PRKG1: variants seen among roughly 807,000 people sequenced by gnomAD.
PRKG1 encodes protein kinase cGMP-dependent 1.
In PRKG1, 35 loss-of-function variants were observed where a neutral mutation model predicts 88.1. The observed-to-expected ratio is 0.40, with a 90% confidence interval of 0.30 to 0.53. The LOEUF is 0.53. Ranked by LOEUF, PRKG1 falls within the 20% of genes least tolerant of loss-of-function variation. The pLI, the probability that PRKG1 is intolerant of heterozygous loss-of-function variation, is 0.59. For synonymous variants in PRKG1, 303 were observed against 292.5 expected, an observed-to-expected ratio of 1.04 and a Z score of -0.37; for missense variants, 540 against 839.8, an observed-to-expected ratio of 0.64 and a Z score of 4.41.
chr10:51,297,495 G>A (rs1840750896), intron 2 of PRKG1, among the ~76,000 whole-genome samples: 1 of 151,940 alleles, frequency 6.6e-6, no homozygotes, highest in South Asian at 2.1e-4. Context: ...CCTTAAATTA[G>A]GATTGAGAGG....
intron 5 of PRKG1, among the ~76,000 whole-genome samples, chr10:51,972,659 T>C (rs1187961259): frequency 6.6e-6 from 1 of 152,196 alleles, no homozygotes; most frequent in Admixed American, 6.5e-5. Context: ...ATTTTTTTCC[T>C]GTGTGAAGAA....
At chr10:52,146,446 GATAA>G (rs1309626815) in intron 8 of PRKG1, among the ~76,000 whole-genome samples, 1 of 152,064 alleles carries the variant, frequency 6.6e-6, no homozygotes, top group Non-Finnish European at 1.5e-5. Flanking sequence ...ATGTACTATA[GATAA>G]ATAGTCATTA....
chr10:51,257,118 T>TA (rs1839582369), intron 2 of PRKG1, among the ~76,000 whole-genome samples: 3 of 150,244 alleles, frequency 2.0e-5, no homozygotes, highest in African/African-American at 7.3e-5. Flanking sequence ...TGTCGAGCTT[T>TA]AAAAAAATGA....
intron 2 of PRKG1, among the ~76,000 whole-genome samples, chr10:51,177,699 T>C (rs1450367494): frequency 1.3e-5 from 2 of 152,240 alleles, no homozygotes; most frequent in East Asian, 3.9e-4. Context: ...ATTTTTATTA[T>C]AGAAATCCTA....
intron 3 of PRKG1, among the ~76,000 whole-genome samples, chr10:51,647,905 T>C (rs1294317345): frequency 6.6e-6 from 1 of 152,182 alleles, no homozygotes; most frequent in Non-Finnish European, 1.5e-5. Context: ...ATCTGATGTC[T>C]GCATTCCAGA....
intron 4 of PRKG1, among the ~76,000 whole-genome samples, chr10:51,879,926 T>C (rs1218143943): frequency 2.0e-5 from 3 of 152,222 alleles, no homozygotes; most frequent in African/African-American, 7.2e-5. Context: ...GTAGCCACTA[T>C]GTAAAGAACC....
intron 3 of PRKG1, among the ~76,000 whole-genome samples, chr10:51,727,433 G>T (rs539175103): frequency 1.3e-5 from 2 of 152,188 alleles, no homozygotes; most frequent in Admixed American, 6.5e-5. Context: ...GTAGAAAGGG[G>T]TCAATGTGTC....
chr10:51,136,817 A>G (rs1444525422), intron 1 of PRKG1, among the ~76,000 whole-genome samples: 1 of 152,024 alleles, frequency 6.6e-6, no homozygotes, highest in Non-Finnish European at 1.5e-5. Flanking sequence ...ATAAAGTGTG[A>G]TGTCTTCTGC....
At chr10:51,945,708 C>T (rs561696155) in intron 5 of PRKG1, among the ~76,000 whole-genome samples, 12,101 of 148,678 alleles carry the variant, frequency 0.081, 1,265 homozygotes, top group African/African-American at 0.26. Flanking sequence ...TTCTCCTTCA[C>T]TTATGAAGCT....
At chr10:51,803,151 T>C (rs1839218898) in intron 3 of PRKG1, among the ~76,000 whole-genome samples, 1 of 152,020 alleles carries the variant, frequency 6.6e-6, no homozygotes, top group African/African-American at 2.4e-5. Flanking sequence ...AGTAAAAGGG[T>C]ATTGTAGAAA....
At chr10:51,416,991 T>C (rs999013901) in intron 2 of PRKG1, among the ~76,000 whole-genome samples, 1 of 152,232 alleles carries the variant, frequency 6.6e-6, no homozygotes, top group African/African-American at 2.4e-5. Context: ...TCCAGTTTTC[T>C]CATTGAGAAT....
At chr10:51,390,870 T>C (rs1837377449) in intron 2 of PRKG1, among the ~76,000 whole-genome samples, 1 of 124,708 alleles carries the variant, frequency 8.0e-6, no homozygotes, top group African/African-American at 2.5e-5. Flanking sequence ...TGGATGGTGC[T>C]AAACATCCAA....
chr10:51,683,909 CT>C (rs934195746), intron 3 of PRKG1, among the ~76,000 whole-genome samples: 1 of 152,184 alleles, frequency 6.6e-6, no homozygotes, highest in African/African-American at 2.4e-5. Context: ...TGTAGAGAAA[CT>C]GGAACCCTCA....
chr10:51,492,233 A>G (rs374637470), intron 3 of PRKG1, among the ~76,000 whole-genome samples: 32 of 152,330 alleles, frequency 2.1e-4, no homozygotes, highest in African/African-American at 7.0e-4. Flanking sequence ...TTGTGCTTCT[A>G]GATGTCTCTT....
chr10:52,017,128 A>C, intron 5 of PRKG1, among the ~76,000 whole-genome samples: 1 of 152,230 alleles, frequency 6.6e-6, no homozygotes, highest in East Asian at 1.9e-4. Flanking sequence ...ATTTTAAGAA[A>C]AAGAAAAACA....
At chr10:51,756,483 T>TAAAAAA (rs1837864658) in intron 3 of PRKG1, among the ~76,000 whole-genome samples, 1 of 64,586 alleles carries the variant, frequency 1.5e-5, no homozygotes, top group African/African-American at 5.6e-5. Flanking sequence ...TGAGACTGTC[T>TAAAAAA]CAAAAAAAAA....
chr10:51,518,593 G>C (rs931352592), intron 3 of PRKG1, among the ~76,000 whole-genome samples: 2 of 152,102 alleles, frequency 1.3e-5, no homozygotes, highest in African/African-American at 2.4e-5. Flanking sequence ...TGAGAATCCG[G>C]GAAAACAGAT....
chr10:51,838,768 A>G (rs1024709510), intron 4 of PRKG1, among the ~76,000 whole-genome samples: 5 of 152,158 alleles, frequency 3.3e-5, no homozygotes, highest in African/African-American at 1.2e-4. Context: ...AATGAGAAAA[A>G]AAAAATCACG....
At chr10:51,762,132 C>T (rs1335628418) in intron 3 of PRKG1, among the ~76,000 whole-genome samples, 7 of 152,156 alleles carry the variant, frequency 4.6e-5, no homozygotes. Flanking sequence ...TATTGACCCT[C>T]AGGGATTCAA....
Sources: allele counts gnomAD v4.1 joint callset (sites outside exome capture counted in the v4.1 genomes callset), GRCh38; gene constraint gnomAD v4.1.1; transcripts MANE v1.5; gene names NCBI Gene and HGNC (gene_info 2026-07-23, HGNC 2026-07-21).